Variants in DHDH observed in about 807,000 individuals in gnomAD.
DHDH encodes dihydrodiol dehydrogenase.
Under a neutral mutation model 33.2 loss-of-function variants are expected in DHDH, and 29 were observed. The ratio of observed to expected loss-of-function variants is 0.87; its 90% CI spans 0.65 to 1.19. The LOEUF is 1.19. Among genes scored for constraint, DHDH ranks in the 50% most tolerant of loss-of-function variants. The pLI, the probability that DHDH is intolerant of heterozygous loss-of-function variation, is 0.00. For synonymous variants in DHDH, 201 were observed against 187.9 expected (o/e 1.07, Z -0.57); for missense variants, 431 against 455.0 (o/e 0.95, Z 0.48).
chr19:48,936,196 G>A lies in DHDH; in HGVS notation c.366+1G>A. 3.2e-6 allele frequency: 5 copies of A among 1,585,848 alleles called. No homozygotes were observed. The highest frequency in any genetic ancestry group is 4.3e-6 in the Non-Finnish European group (5 of 1,167,616). Reference sequence around the variant, plus strand: ...ATCCCGAGCCCTCTTCCTTATGGAGGTGAGGGCAGAGGAGCCCTTCCAATA... The same window carrying A: ...ATCCCGAGCCCTCTTCCTTATGGAGATGAGGGCAGAGGAGCCCTTCCAATA... On this transcript the variant is annotated splice_donor_variant, in intron 3 of 6. Coordinates refer to ENST00000221403, the MANE Select transcript of DHDH (RefSeq NM_014475.4). LOFTEE classifies it high-confidence loss of function.
rs1201684564 is a variant in DHDH at position 48,933,826 on chromosome 19, C to A, written c.90+15C>A. Reference sequence around the variant, plus strand: ...CTGAGCACCAGGTCTGCCCGCCCTCCGGATTCTGGGGAAGAGGAGGCGGGG... The same window carrying A: ...CTGAGCACCAGGTCTGCCCGCCCTCAGGATTCTGGGGAAGAGGAGGCGGGG... On this transcript the variant is annotated intron_variant, in intron 1 of 6. Transcript: ENST00000221403. 3.1e-6 allele frequency: 5 copies of A among 1,605,752 alleles called. No individual in the cohort carries two copies. Among genetic ancestry groups the A allele is most frequent in the African/African-American group, 1.3e-5 (1 of 74,990 alleles).
intron 2 of DHDH, among the ~76,000 whole-genome samples, chr19:48,935,827 T>A (rs1018291208): frequency 1.3e-5 from 2 of 151,680 alleles, no homozygotes; most frequent in African/African-American, 2.4e-5. Flanking sequence ...AAAAAAAAAA[T>A]TAATTAATTA....
chr19:48,943,097 G>C (rs188931215), intron 5 of DHDH, among the ~76,000 whole-genome samples: 6 of 151,572 alleles, frequency 4.0e-5, no homozygotes, highest in African/African-American at 1.2e-4. Flanking sequence ...CTTGGGCCTG[G>C]CCGGCACGGT....
At chr19:48,935,840 TA>T (rs1417354003) in intron 2 of DHDH, among the ~76,000 whole-genome samples, 191 bp from the exon 3 acceptor site, 1 of 151,942 alleles carries the variant, frequency 6.6e-6, no homozygotes, top group African/African-American at 2.4e-5. Flanking sequence ...ATTAATTAAT[TA>T]AAAATTTTAA....
At chr19:48,943,284 C>A (rs2037891777) in intron 5 of DHDH, among the ~76,000 whole-genome samples, 1 of 152,020 alleles carries the variant, frequency 6.6e-6, no homozygotes, top group Non-Finnish European at 1.5e-5. Flanking sequence ...TATTATCAAC[C>A]ATGCTTAGTG....
At chr19:48,937,079 C>T (rs1206461435) in intron 3 of DHDH, among the ~76,000 whole-genome samples, 1 of 152,048 alleles carries the variant, frequency 6.6e-6, no homozygotes, top group East Asian at 2.0e-4. Context: ...CCACCGCGCC[C>T]GGCCCCTACC....
rs375168097 is a variant in DHDH at position 48,933,840 on chromosome 19, G to A, written c.90+29G>A. 2.1e-5 allele frequency: 34 copies of A among 1,598,652 alleles called. No individual in the cohort carries two copies. In the African/African-American group the frequency reaches 4.0e-4, roughly 19 times the overall value. ...TGCCCGCCCTCCGGATTCTGGGGAA[G>A]AGGAGGCGGGGGGCGGGACTCCAGA... is the stretch of plus-strand genomic sequence containing the variant. On this transcript the variant is annotated intron_variant, in intron 1 of 6. Coordinates refer to ENST00000221403, the MANE Select transcript of DHDH (RefSeq NM_014475.4).
At chr19:48,935,692 C>T (rs905451192) in intron 2 of DHDH, among the ~76,000 whole-genome samples, 6 of 151,330 alleles carry the variant, frequency 4.0e-5, no homozygotes, top group Non-Finnish European at 8.8e-5. Flanking sequence ...TGGCGGGCGC[C>T]TGTAGTCCCA....
At chr19:48,939,746 G>A (rs757533522) in intron 4 of DHDH, 45 bp downstream of exon 4, 2 of 1,542,128 alleles carry the variant, frequency 1.3e-6, no homozygotes, top group Non-Finnish European at 1.7e-6. Flanking sequence ...GAATGATTCT[G>A]TCTCTCTGGG....
At chr19:48,944,618 G>A in intron 6 of DHDH, 111 bp downstream of exon 6, 1 of 1,479,404 alleles carries the variant, frequency 6.8e-7, no homozygotes, top group Non-Finnish European at 9.1e-7. Flanking sequence ...GGAGGTTGCA[G>A]TGAGCCGAGA....
At chr19:48,937,817 A>C (rs1413250077) in intron 3 of DHDH, among the ~76,000 whole-genome samples, 1 of 71,482 alleles carries the variant, frequency 1.4e-5, no homozygotes, top group Non-Finnish European at 2.1e-5. Flanking sequence ...TCTTTAAAAA[A>C]AAAAAAAAAA....
intron 2 of DHDH, 26 bp downstream of exon 2, chr19:48,935,137 C>A: frequency 6.6e-7 from 1 of 1,512,830 alleles, no homozygotes; most frequent in Non-Finnish European, 8.9e-7. Context: ...GATGGGGGTG[C>A]TGGCCGCCGC....
chr19:48,942,680 GT>G (rs2037882273), intron 5 of DHDH, 116 bp downstream of exon 5: 1 of 1,453,806 alleles, frequency 6.9e-7, no homozygotes, highest in Non-Finnish European at 9.1e-7. Context: ...TTGCTAAAGA[GT>G]TCCTCCTTAA....
At chr19:48,935,211 C>G (rs980403857) in intron 2 of DHDH, 100 bp downstream of exon 2, 2 of 882,228 alleles carry the variant, frequency 2.3e-6, no homozygotes, top group African/African-American at 3.6e-5. Flanking sequence ...TGGTCCAATC[C>G]CTTTGGGTTC....
intron 1 of DHDH, among the ~76,000 whole-genome samples, chr19:48,934,356 G>C (rs1165459622): frequency 2.6e-5 from 4 of 152,166 alleles, no homozygotes; most frequent in Non-Finnish European, 5.9e-5. Flanking sequence ...TCGTGGGAAA[G>C]GAAGACCTTA....
chr19:48,933,560 A>G, upstream of DHDH: 1 of 641,356 alleles, frequency 1.6e-6, no homozygotes, highest in East Asian at 2.7e-5. Context: ...CCCAGCGGGG[A>G]AGCTAGAACT....
intron 1 of DHDH, among the ~76,000 whole-genome samples, chr19:48,934,757 T>C (rs1468811948): frequency 6.6e-6 from 1 of 152,014 alleles, no homozygotes; most frequent in Non-Finnish European, 1.5e-5. Context: ...CAAACCTGAG[T>C]GTCTTGAGGT....
In DHDH at chr19:48,935,093, GC is replaced by G; in HGVS notation, c.186del (p.Lys63ArgfsTer21). On this transcript the variant is annotated frameshift_variant, in exon 2 of 7. Transcript: ENST00000221403. LOFTEE classifies it high-confidence loss of function. ...GGCCTACGGCTCCTATGAGGAGCTG[GC>G]CAAGGACCCGAGCGTGGGTGAGTGG... ...PKAYGSYEEL[A>X]KDPSVEVAYI... 6.3e-7 allele frequency: 1 copy of G among 1,580,950 alleles called. No homozygotes were observed. Among genetic ancestry groups the G allele is most frequent in the Non-Finnish European group, 8.6e-7 (1 of 1,166,080 alleles).
At chr19:48,934,547 C>T (rs976582956) in intron 1 of DHDH, among the ~76,000 whole-genome samples, 1 of 152,178 alleles carries the variant, frequency 6.6e-6, no homozygotes, top group Non-Finnish European at 1.5e-5. Context: ...GAAAACCTAC[C>T]TGTGGCTGGA....
Sources: allele counts gnomAD v4.1 joint callset (sites outside exome capture counted in the v4.1 genomes callset), GRCh38; gene constraint gnomAD v4.1.1; transcripts MANE v1.5; gene names NCBI Gene and HGNC (gene_info 2026-07-23, HGNC 2026-07-21).